NEK5: variants seen among roughly 807,000 people sequenced by gnomAD.
NEK5 encodes the protein serine/threonine-protein kinase Nek5.
NEK5 carries 88 observed loss-of-function variants against 109.2 expected under a neutral mutation model. That is an observed-to-expected ratio of 0.81 (90% CI 0.68 to 0.96). The LOEUF (loss-of-function observed/expected upper bound fraction) is 0.96. NEK5 is among the 40% of genes least tolerant of loss of function. NEK5 has a pLI of 0.00. For synonymous variants in NEK5, 283 were observed against 299.9 expected, an observed-to-expected ratio of 0.94 and a Z score of 0.58; for missense variants, 834 against 920.7, an observed-to-expected ratio of 0.91 and a Z score of 1.22.
intron 4 of NEK5, among the ~76,000 whole-genome samples, chr13:52,118,225 T>C (rs977848698): frequency 1.3e-5 from 2 of 152,226 alleles, no homozygotes; most frequent in South Asian, 2.1e-4. Context: ...CTTGAAGATA[T>C]TGAGGTTAAC....
intron 4 of NEK5, among the ~76,000 whole-genome samples, chr13:52,116,178 CAA>C (rs35020086): frequency 3.5e-5 from 4 of 115,930 alleles, no homozygotes; most frequent in Admixed American, 9.7e-5. Context: ...AAGACTGTCT[CAA>C]AAAAAAAAAA....
chr13:52,060,084 A>G (rs1013409363), intron 22 of NEK5, among the ~76,000 whole-genome samples: 2 of 152,088 alleles, frequency 1.3e-5, no homozygotes, highest in East Asian at 1.9e-4. Context: ...AAATTAAATG[A>G]TAGGTATTCA....
At chr13:52,056,807 G>C (rs975061260) in intron 22 of NEK5, among the ~76,000 whole-genome samples, 6 of 151,632 alleles carry the variant, frequency 4.0e-5, no homozygotes, top group East Asian at 1.9e-4. Context: ...AGTGTGTAGA[G>C]GGAAATTTAT....
intron 9 of NEK5, among the ~76,000 whole-genome samples, chr13:52,103,686 C>T (rs998706074): frequency 5.3e-5 from 8 of 152,204 alleles, no homozygotes; most frequent in African/African-American, 1.9e-4. Flanking sequence ...ATGCTGAACA[C>T]GGGCTTTCTT....
chr13:52,106,522 T>A (rs1486396499), intron 8 of NEK5, among the ~76,000 whole-genome samples: 1 of 152,092 alleles, frequency 6.6e-6, no homozygotes, highest in African/African-American at 2.4e-5. Flanking sequence ...TCCCAGCACT[T>A]TGAGAGGCTG....
At chr13:52,084,423 T>A (rs988798729) in intron 16 of NEK5, among the ~76,000 whole-genome samples, 5 of 152,154 alleles carry the variant, frequency 3.3e-5, no homozygotes, top group Admixed American at 3.3e-4. Context: ...CTCATTATGT[T>A]GCCCAGGCCG....
chr13:52,063,875 G>A (rs1323537557), intron 21 of NEK5, among the ~76,000 whole-genome samples: 10 of 151,996 alleles, frequency 6.6e-5, no homozygotes, highest in East Asian at 1.9e-4. Context: ...GTCTCCGCCC[G>A]GCAGCCTCCC....
intron 11 of NEK5, among the ~76,000 whole-genome samples, chr13:52,100,590 T>G (rs1447396136): frequency 2.0e-5 from 3 of 152,172 alleles, no homozygotes; most frequent in Admixed American, 2.0e-4. Flanking sequence ...AATTTGTTCT[T>G]GGGCTGAGTA....
intron 3 of NEK5, among the ~76,000 whole-genome samples, chr13:52,123,568 T>C (rs1956009664): frequency 6.6e-6 from 1 of 152,218 alleles, no homozygotes; most frequent in Non-Finnish European, 1.5e-5. Context: ...CAGTGAATCA[T>C]CTATCCAATA....
chr13:52,080,472 T>C (rs960329740), intron 17 of NEK5, among the ~76,000 whole-genome samples: 3 of 152,230 alleles, frequency 2.0e-5, no homozygotes, highest in African/African-American at 4.8e-5. Context: ...GGGGAAAAGA[T>C]TGAGAAATCG....
chr13:52,048,691 G>A (rs1381222488), intron 23 of NEK5, among the ~76,000 whole-genome samples: 1 of 152,176 alleles, frequency 6.6e-6, no homozygotes, highest in Non-Finnish European at 1.5e-5. Context: ...AATAACCCTG[G>A]AGGGCATTCT....
intron 20 of NEK5, among the ~76,000 whole-genome samples, chr13:52,070,701 C>G (rs1566749291): frequency 6.6e-6 from 1 of 152,082 alleles, no homozygotes; most frequent in African/African-American, 2.4e-5. Flanking sequence ...TCAGGTATGT[C>G]TTTATCAGCA....
Position 52,075,828 on chromosome 13 carries a change from T to G in NEK5, c.1654-2A>C. ...ATTAATTTCAAATTTTACCCCCTTCTAGGAGAAAGCAAAAAAAAAAAAAAA... is the reference window on the plus strand; with the variant it reads ...ATTAATTTCAAATTTTACCCCCTTCGAGGAGAAAGCAAAAAAAAAAAAAAA... On this transcript the variant is annotated splice_acceptor_variant, in intron 18 of 23. Coordinates refer to ENST00000684899, the MANE Select transcript of NEK5 (RefSeq NM_001365552.1). LOFTEE classifies it high-confidence loss of function. 2 of 1,491,254 alleles carry G rather than the reference T, an allele frequency of 1.3e-6. No homozygotes were observed. Among genetic ancestry groups the G allele is most frequent in the Admixed American group, 2.4e-5 (1 of 40,910 alleles). The allele number at this position is 1,491,254 out of a possible 1,614,324, so 92.4% of individuals were successfully genotyped here. A position where few individuals can be genotyped will look rare whatever the true frequency, so the allele number is the denominator to read the frequency against.
At position 52,071,952 on chromosome 13, in the gene NEK5, G is replaced by A. The variant is rs375739928; in HGVS notation, c.1841C>T (p.Pro614Leu). ...TTTCAAGAAACACATACCTGCTTCT[G>A]GGCAGTGAAGTTTTTCAAATGCTTT... ...TDKAFEKLHC[P>L]EAGFSTQTVA... The change falls in exon 20 of 24, where the codon CCA (proline) becomes CTA (leucine). Residue 614 changes from proline (P) to leucine (L), a missense_variant. Pro to Leu is a moderately conservative substitution (Grantham distance 98, BLOSUM62 -3). Coordinates refer to ENST00000684899, the MANE Select transcript of NEK5 (RefSeq NM_001365552.1). 6.2e-7 allele frequency: 1 copy of A among 1,613,018 alleles called. No individual in the cohort carries two copies. Among genetic ancestry groups the A allele is most frequent in the Non-Finnish European group, 8.5e-7 (1 of 1,179,300 alleles).
At chr13:52,113,125 A>T (rs895337470) in intron 4 of NEK5, among the ~76,000 whole-genome samples, 49 of 152,100 alleles carry the variant, frequency 3.2e-4, no homozygotes, top group East Asian at 5.8e-4. Context: ...AGTAGTTTTT[A>T]AAAAAAATAG....
chr13:52,099,410 A>AC (rs1179191048), intron 12 of NEK5, among the ~76,000 whole-genome samples: 1 of 151,712 alleles, frequency 6.6e-6, no homozygotes, highest in African/African-American at 2.4e-5. Context: ...CATGGCTCAC[A>AC]CCTGTAATCC....
intron 8 of NEK5, among the ~76,000 whole-genome samples, chr13:52,105,210 C>T (rs968947031): frequency 6.6e-6 from 1 of 151,338 alleles, no homozygotes; most frequent in Admixed American, 6.6e-5. Context: ...AGGTAAATGG[C>T]TCCTCTAGCA....
chr13:52,053,585 G>C (rs187723355), intron 22 of NEK5, among the ~76,000 whole-genome samples: 5 of 151,990 alleles, frequency 3.3e-5, no homozygotes, highest in Non-Finnish European at 7.4e-5. Flanking sequence ...ATTGAATCTT[G>C]AGACAATCCA....
intron 8 of NEK5, 73 bp downstream of exon 8, chr13:52,108,245 G>A: frequency 2.4e-6 from 2 of 840,538 alleles, no homozygotes; most frequent in Non-Finnish European, 3.9e-6. Flanking sequence ...TTGAATTTTA[G>A]TTTCTGGAAT....
Sources: gnomAD v4.1 joint callset for allele counts (sites outside exome capture counted in the v4.1 genomes callset) on GRCh38, gnomAD v4.1.1 for gene constraint, MANE v1.5 for transcripts, NCBI Gene and HGNC (gene_info 2026-07-23, HGNC 2026-07-21) for gene names.